The following ADGRB3 variants were observed in gnomAD, a reference collection of about 807,000 sequenced individuals.
ADGRB3 encodes the protein brain-specific angiogenesis inhibitor 3.
ADGRB3 carries 37 observed loss-of-function variants against 193.4 expected under a neutral mutation model. The observed-to-expected ratio is 0.19, with a 90% confidence interval of 0.15 to 0.25. The LOEUF (loss-of-function observed/expected upper bound fraction) is 0.25. Ranked by LOEUF, ADGRB3 falls within the 10% of genes least tolerant of loss-of-function variation. ADGRB3 has a pLI of 1.00. For synonymous variants in ADGRB3, 690 were observed against 644.2 expected, an observed-to-expected ratio of 1.07 and a Z score of -1.08; for missense variants, 1,637 against 1,852.9, an observed-to-expected ratio of 0.88 and a Z score of 2.14.
intron 16 of ADGRB3, among the ~76,000 whole-genome samples, chr6:69,070,336 G>A (rs1180588487): frequency 6.6e-6 from 1 of 152,020 alleles, no homozygotes; most frequent in Non-Finnish European, 1.5e-5. Flanking sequence ...AATTGTATTT[G>A]TAGTTTACAA....
chr6:68,787,698 T>G (rs1019561931), intron 3 of ADGRB3, among the ~76,000 whole-genome samples: 3 of 152,214 alleles, frequency 2.0e-5, no homozygotes, highest in African/African-American at 7.2e-5. Context: ...TCCCTCTTTT[T>G]CTATTGATTG....
At chr6:69,121,037 T>C (rs1004556473) in intron 17 of ADGRB3, among the ~76,000 whole-genome samples, 1 of 150,492 alleles carries the variant, frequency 6.6e-6, no homozygotes, top group Non-Finnish European at 1.5e-5. Flanking sequence ...TTGATCATTC[T>C]TGGGTGTTTC....
chr6:68,972,405 T>A (rs1768599469), intron 8 of ADGRB3, among the ~76,000 whole-genome samples: 1 of 152,234 alleles, frequency 6.6e-6, no homozygotes, highest in South Asian at 2.1e-4. Context: ...CAGGAGGGCA[T>A]GGCCAGGCTC....
intron 3 of ADGRB3, among the ~76,000 whole-genome samples, chr6:68,916,935 A>G (rs907821888): frequency 2.0e-5 from 3 of 152,172 alleles, no homozygotes; most frequent in Admixed American, 1.3e-4. Context: ...AGGACTTTAT[A>G]TATGTTTTAC....
intron 3 of ADGRB3, among the ~76,000 whole-genome samples, chr6:68,862,183 C>A (rs1373814651): frequency 6.7e-6 from 1 of 148,830 alleles, no homozygotes; most frequent in African/African-American, 2.5e-5. Flanking sequence ...GGCATAAAGA[C>A]TCACCATTAC....
At chr6:68,925,853 A>C (rs1236093097) in intron 3 of ADGRB3, among the ~76,000 whole-genome samples, 1 of 152,058 alleles carries the variant, frequency 6.6e-6, no homozygotes, top group Non-Finnish European at 1.5e-5. Flanking sequence ...TCATCTTTAT[A>C]ACTTTGGTTC....
intron 28 of ADGRB3, among the ~76,000 whole-genome samples, chr6:69,358,924 T>C (rs1769388063): frequency 6.7e-6 from 1 of 150,256 alleles, no homozygotes; most frequent in Non-Finnish European, 1.5e-5. Flanking sequence ...CACACACGTA[T>C]ATATATATAT....
chr6:69,044,884 T>TC (rs1240798089), intron 13 of ADGRB3, among the ~76,000 whole-genome samples: 1 of 151,796 alleles, frequency 6.6e-6, no homozygotes, highest in Non-Finnish European at 1.5e-5. Context: ...AAAGGCTTTT[T>TC]TTCAATGTTT....
intron 20 of ADGRB3, among the ~76,000 whole-genome samples, chr6:69,244,805 A>T (rs1196931178): frequency 6.6e-6 from 1 of 152,056 alleles, no homozygotes; most frequent in African/African-American, 2.4e-5. Flanking sequence ...ATTAGTACGT[A>T]TGGAGCACTT....
chr6:69,208,110 C>A (rs1029775196), intron 17 of ADGRB3, among the ~76,000 whole-genome samples: 3 of 152,148 alleles, frequency 2.0e-5, no homozygotes, highest in Non-Finnish European at 4.4e-5. Flanking sequence ...TGTTGCTGAG[C>A]CCATGCGTAA....
intron 3 of ADGRB3, among the ~76,000 whole-genome samples, chr6:68,808,259 A>G (rs1485538999): frequency 4.6e-5 from 7 of 152,042 alleles, no homozygotes; most frequent in Admixed American, 3.9e-4. Context: ...GAGAAGTAAT[A>G]TCATCATCAT....
chr6:69,228,968 G>A lies in ADGRB3; in HGVS notation c.2481-4322G>A, dbSNP rs541591797. Among the ~76,000 whole-genome samples, 355 of 152,132 alleles carry A rather than the reference G, an allele frequency of 2.3e-3. 6 individuals are homozygous for A. Among genetic ancestry groups the A allele is most frequent in the African/African-American group, 6.2e-3 (257 of 41,518 alleles). The stretch of plus-strand genomic sequence containing the variant: ...TGACTGCACACTAAAATCATCTGAA[G>A]GACATTTGAAAAAGTAATATCCCAA... On this transcript the variant is annotated intron_variant, in intron 17 of 31. Coordinates refer to ENST00000370598, the MANE Select transcript of ADGRB3 (RefSeq NM_001704.3).
intron 15 of ADGRB3, among the ~76,000 whole-genome samples, chr6:69,053,648 T>C (rs1270282726): frequency 6.6e-6 from 1 of 152,190 alleles, no homozygotes; most frequent in Non-Finnish European, 1.5e-5. Context: ...CAGAGGGTCC[T>C]TTGAGAGAGT....
At chr6:68,810,585 C>A (rs1370532992) in intron 3 of ADGRB3, among the ~76,000 whole-genome samples, 1 of 152,120 alleles carries the variant, frequency 6.6e-6, no homozygotes, top group Non-Finnish European at 1.5e-5. Context: ...TTAGTTTTCT[C>A]CTTTGAGAAG....
At chr6:68,865,343 C>G (rs1765267578) in intron 3 of ADGRB3, among the ~76,000 whole-genome samples, 1 of 152,076 alleles carries the variant, frequency 6.6e-6, no homozygotes, top group Non-Finnish European at 1.5e-5. Flanking sequence ...CAAGCACAAA[C>G]TTATCCAAGG....
At chr6:68,973,659 T>C (rs1174064325) in intron 8 of ADGRB3, among the ~76,000 whole-genome samples, 1 of 152,210 alleles carries the variant, frequency 6.6e-6, no homozygotes, top group Non-Finnish European at 1.5e-5. Context: ...TTTATTCAAT[T>C]TTGAGCAACT....
At chr6:68,851,829 A>G (rs1486715852) in intron 3 of ADGRB3, among the ~76,000 whole-genome samples, 1 of 151,922 alleles carries the variant, frequency 6.6e-6, no homozygotes, top group African/African-American at 2.4e-5. Flanking sequence ...AGTAGGTAAA[A>G]TGACTTTTGG....
chr6:69,279,842 C>T (rs547540828), intron 20 of ADGRB3, among the ~76,000 whole-genome samples: 1 of 152,230 alleles, frequency 6.6e-6, no homozygotes, highest in Non-Finnish European at 1.5e-5. Context: ...ACTGAAACTA[C>T]CCTCACATTT....
At chr6:69,339,187 A>G (rs1768919990) in intron 25 of ADGRB3, 146 bp from the exon 26 acceptor site, 2 of 1,135,750 alleles carry the variant, frequency 1.8e-6, no homozygotes, top group East Asian at 2.4e-5. Flanking sequence ...AAAAAAAAAA[A>G]TAAGACTCTC....
Sources: gnomAD v4.1 joint callset for allele counts (sites outside exome capture counted in the v4.1 genomes callset) on GRCh38, gnomAD v4.1.1 for gene constraint, MANE v1.5 for transcripts, NCBI Gene and HGNC (gene_info 2026-07-23, HGNC 2026-07-21) for gene names.